ZBTB16: variants seen among roughly 807,000 people sequenced by gnomAD.
ZBTB16 encodes the protein zinc finger and BTB domain-containing protein 16.
ZBTB16 carries 8 observed loss-of-function variants against 56.8 expected under a neutral mutation model. The ratio of observed to expected loss-of-function variants is 0.14; its 90% CI spans 0.08 to 0.25. ZBTB16 has a LOEUF of 0.25. Ranked by LOEUF, ZBTB16 falls within the 10% of genes least tolerant of loss-of-function variation. The pLI, the probability that ZBTB16 is intolerant of heterozygous loss-of-function variation, is 1.00. For missense variants in ZBTB16, 625 were observed against 903.0 expected, an observed-to-expected ratio of 0.69 and a Z score of 3.95; for synonymous variants, 363 against 368.5, an observed-to-expected ratio of 0.98 and a Z score of 0.17.
At chr11:114,216,878 G>A (rs1157856639) in intron 4 of ZBTB16, among the ~76,000 whole-genome samples, 1 of 151,990 alleles carries the variant, frequency 6.6e-6, no homozygotes, top group Non-Finnish European at 1.5e-5. Flanking sequence ...ATTCAGAGTT[G>A]AGAGGAAGAC....
rs35497691 is a variant in ZBTB16, at chr11:114,085,500, T to TTG, written c.1268+20948_1268+20949dup. ...AAATGACAGCCATATGTGTATGACT[T>TTG]TGTGTGTGTGTGTGTGTATATATAT... On this transcript the variant is annotated intron_variant, in intron 2 of 6. Transcript: ENST00000335953. Among the ~76,000 whole-genome samples, 1,182 of 151,184 alleles carry TTG rather than the reference T, an allele frequency of 7.8e-3. 20 individuals carry two copies. The highest frequency in any genetic ancestry group is 0.054 in the East Asian group (276 of 5,122).
intron 2 of ZBTB16, among the ~76,000 whole-genome samples, chr11:114,100,842 A>T (rs1940580022): frequency 6.6e-6 from 1 of 152,120 alleles, no homozygotes; most frequent in African/African-American, 2.4e-5. Context: ...AAGATCAGCG[A>T]TCTACAGCTT....
At position 114,225,974 on chromosome 11, in the gene ZBTB16, A is replaced by G. The variant is rs552453267; in HGVS notation, c.1454-16193A>G. Among the ~76,000 whole-genome samples the G allele has an allele frequency of 3.8e-3, 573 of 152,352 alleles. 4 individuals are homozygous for G. Among genetic ancestry groups the G allele is most frequent in the Middle Eastern group, 6.8e-3 (2 of 294 alleles). ...GACCCAGAGATACTAAGTGATTTGC[A>G]TATGATTATGTAGTTAGTAAATAAA... On this transcript the variant is annotated intron_variant, in intron 4 of 6. Coordinates refer to ENST00000335953, the MANE Select transcript of ZBTB16 (RefSeq NM_006006.6).
At chr11:114,166,627 T>C (rs1425102317) in intron 3 of ZBTB16, among the ~76,000 whole-genome samples, 1 of 152,198 alleles carries the variant, frequency 6.6e-6, no homozygotes, top group Non-Finnish European at 1.5e-5. Flanking sequence ...GAGTGACTTC[T>C]ACCGACATTC....
At chr11:114,131,409 TC>T (rs1198860826) in intron 2 of ZBTB16, among the ~76,000 whole-genome samples, 5 of 152,252 alleles carry the variant, frequency 3.3e-5, no homozygotes, top group African/African-American at 1.2e-4. Flanking sequence ...TCTTTTGTTT[TC>T]TCTGTTTTTT....
intron 2 of ZBTB16, among the ~76,000 whole-genome samples, chr11:114,123,713 A>G (rs1941408649): frequency 6.6e-6 from 1 of 152,174 alleles, no homozygotes; most frequent in African/African-American, 2.4e-5. Context: ...CAGTCAAGAA[A>G]GAGCCAGATT....
intron 2 of ZBTB16, among the ~76,000 whole-genome samples, chr11:114,082,116 C>CCCAA (rs1939786831): frequency 1.4e-5 from 2 of 138,544 alleles, no homozygotes; most frequent in African/African-American, 2.8e-5. Flanking sequence ...ACGATCTTTA[C>CCCAA]AAAAAAAAAA....
chr11:114,202,310 A>G lies in ZBTB16; in HGVS notation c.1453+15272A>G, dbSNP rs1313644134. On this transcript the variant is annotated intron_variant, in intron 4 of 6. Coordinates refer to ENST00000335953, the MANE Select transcript of ZBTB16 (RefSeq NM_006006.6). ...ACTTGGGGATCAATTAAATATCAAC[A>G]GTAGTGGGGCACTGAGCTTGGAATA... 3.9e-5 allele frequency among the ~76,000 whole-genome samples: 6 copies of G among 152,316 alleles called. No individual in the cohort carries two copies. The East Asian group carries it at 9.7e-4, about 25-fold the overall frequency.
At chr11:114,204,937 G>A (rs1483965635) in intron 4 of ZBTB16, among the ~76,000 whole-genome samples, 1 of 152,140 alleles carries the variant, frequency 6.6e-6, no homozygotes, top group Non-Finnish European at 1.5e-5. Flanking sequence ...TTAACGAATG[G>A]CACTGCCCTG....
intron 2 of ZBTB16, among the ~76,000 whole-genome samples, chr11:114,114,842 A>G (rs1941123242): frequency 6.6e-6 from 1 of 151,774 alleles, no homozygotes; most frequent in South Asian, 2.1e-4. Flanking sequence ...TACCATGCCC[A>G]GCTAATTTTT....
At chr11:114,188,403 C>T (rs1943413351) in intron 4 of ZBTB16, 1 of 152,028 alleles carries the variant, frequency 6.6e-6, no homozygotes, top group South Asian at 2.1e-4. Flanking sequence ...TCTGCCACTT[C>T]CTATTTGTGG....
chr11:114,223,305 G>C (rs527402705), intron 4 of ZBTB16, among the ~76,000 whole-genome samples: 6 of 152,274 alleles, frequency 3.9e-5, no homozygotes, highest in Admixed American at 2.0e-4. Flanking sequence ...GGATATGAGT[G>C]TACACCTAAC....
intron 2 of ZBTB16, among the ~76,000 whole-genome samples, chr11:114,066,171 G>T (rs1055592555): frequency 6.6e-6 from 1 of 152,172 alleles, no homozygotes; most frequent in Admixed American, 6.5e-5. Context: ...AGGTACGGGG[G>T]ATGTGAGTGA....
intron 3 of ZBTB16, among the ~76,000 whole-genome samples, chr11:114,184,512 ATG>A (rs1943320731): frequency 6.6e-6 from 1 of 152,196 alleles, no homozygotes. Flanking sequence ...ATCTTTGCAG[ATG>A]GAACCCCAGG....
intron 3 of ZBTB16, among the ~76,000 whole-genome samples, chr11:114,158,063 C>A (rs143051973): frequency 6.6e-5 from 10 of 152,212 alleles, no homozygotes; most frequent in African/African-American, 2.4e-4. Context: ...CAGCTTTGTA[C>A]GCTACTTAAG....
rs1942017294 is a variant in ZBTB16 at position 114,143,534 on chromosome 11, C to T, written c.1269-12803C>T. 6.6e-6 allele frequency among the ~76,000 whole-genome samples: 1 copy of T among 152,152 alleles called. No individual in the cohort carries two copies. The highest frequency in any genetic ancestry group is 1.5e-5 in the Non-Finnish European group (1 of 68,030). Reference sequence around the variant, plus strand: ...ATGTCCTTTTGGAAGTATCAGGTTCCTGCAGGGAGATTACACAAAAATGTA... The same window carrying T: ...ATGTCCTTTTGGAAGTATCAGGTTCTTGCAGGGAGATTACACAAAAATGTA... On this transcript the variant is annotated intron_variant, in intron 2 of 6. Transcript: ENST00000335953. The surrounding 1 kb of genome is among the most constrained non-coding windows in gnomAD (Gnocchi z 6.4).
At chr11:114,156,953 G>T (rs1251602505) in intron 3 of ZBTB16, among the ~76,000 whole-genome samples, 1 of 152,160 alleles carries the variant, frequency 6.6e-6, no homozygotes, top group Non-Finnish European at 1.5e-5. Context: ...GGCGTGGAAT[G>T]GGGAGAAGCA....
chr11:114,198,260 C>T lies in ZBTB16; in HGVS notation c.1453+11222C>T, dbSNP rs575502000. Among the ~76,000 whole-genome samples, 7 of 152,310 alleles carry T rather than the reference C, an allele frequency of 4.6e-5. No individual in the cohort carries two copies. In the South Asian group the frequency reaches 1.2e-3, roughly 27 times the overall value. ...GAAAGCTCAGGCTGAAGAACGGCCGCGGAACGTCATAGGCACTTTGGGAGG... is the reference window on the plus strand; with the variant it reads ...GAAAGCTCAGGCTGAAGAACGGCCGTGGAACGTCATAGGCACTTTGGGAGG... On this transcript the variant is annotated intron_variant, in intron 4 of 6. Coordinates refer to ENST00000335953, the MANE Select transcript of ZBTB16 (RefSeq NM_006006.6).
At chr11:114,206,034 C>G (rs532114219) in intron 4 of ZBTB16, among the ~76,000 whole-genome samples, 1 of 152,120 alleles carries the variant, frequency 6.6e-6, no homozygotes, top group Non-Finnish European at 1.5e-5. Flanking sequence ...TCTGGGACAC[C>G]CACTGGGCCC....
Sources: allele counts gnomAD v4.1 joint callset (sites outside exome capture counted in the v4.1 genomes callset), GRCh38; gene constraint gnomAD v4.1.1; non-coding constraint Gnocchi (gnomAD v3.1); transcripts MANE v1.5; gene names NCBI Gene and HGNC (gene_info 2026-07-23, HGNC 2026-07-21).